CFAP276: variants seen among roughly 807,000 people sequenced by gnomAD.
CFAP276 encodes cilia and flagella associated protein 276.
the CFAP276 span, among the ~76,000 whole-genome samples, chr1:109,113,411 AGAGAAAGAGAGAG>A: frequency 9.1e-6 from 1 of 110,384 alleles, no homozygotes; most frequent in Non-Finnish European, 1.8e-5. Flanking sequence ...AGAGAGAGAG[AGAGAAAGAGAGAG>A]AGAGAGAGAG....
the CFAP276 span, among the ~76,000 whole-genome samples, chr1:109,111,608 C>T: frequency 1.2e-4 from 18 of 152,172 alleles, no homozygotes; most frequent in Admixed American, 9.8e-4. Flanking sequence ...TTCCATTGCA[C>T]GCCTACACTC....
chr1:109,112,730 G>C, the CFAP276 span: 4 of 1,543,890 alleles, frequency 2.6e-6, no homozygotes, highest in Non-Finnish European at 3.5e-6. Context: ...CTCAGCCGCA[G>C]CACAGCCTCA....
the CFAP276 span, among the ~76,000 whole-genome samples, chr1:109,110,966 C>T: frequency 6.6e-6 from 1 of 152,200 alleles, no homozygotes; most frequent in Non-Finnish European, 1.5e-5. Flanking sequence ...TCTCCAAGTC[C>T]TGTCAGTCCT....
chr1:109,109,329 T>C, the CFAP276 span, among the ~76,000 whole-genome samples: 6 of 151,318 alleles, frequency 4.0e-5, no homozygotes, highest in African/African-American at 1.5e-4. Flanking sequence ...GCGCCTGTAA[T>C]CTCAGCTACT....
the CFAP276 span, chr1:109,112,855 G>C: frequency 9.4e-7 from 1 of 1,068,888 alleles, no homozygotes; most frequent in Non-Finnish European, 1.3e-6. Flanking sequence ...CCTGGCGGCT[G>C]ACCACGGGAG....
the CFAP276 span, chr1:109,106,920 T>G: frequency 9.5e-7 from 1 of 1,051,156 alleles, no homozygotes; most frequent in Non-Finnish European, 1.4e-6. Flanking sequence ...GAGTACCTAG[T>G]GATTATCATT....
the CFAP276 span, among the ~76,000 whole-genome samples, chr1:109,110,778 C>T: frequency 6.6e-6 from 1 of 152,214 alleles, no homozygotes; most frequent in Non-Finnish European, 1.5e-5. Flanking sequence ...TATTGACCTT[C>T]ACTTAAATAT....
At chr1:109,110,387 C>T in the CFAP276 span, among the ~76,000 whole-genome samples, 1 of 152,320 alleles carries the variant, frequency 6.6e-6, no homozygotes, top group South Asian at 2.1e-4. Flanking sequence ...CCTAAAACTG[C>T]TCTTGCTAGT....
chr1:109,109,115 A>G, the CFAP276 span, among the ~76,000 whole-genome samples: 2 of 152,120 alleles, frequency 1.3e-5, no homozygotes, highest in Non-Finnish European at 2.9e-5. Flanking sequence ...TGAATCCACT[A>G]TATCATTTGA....
chr1:109,106,698 T>A, the CFAP276 span: 1 of 1,601,356 alleles, frequency 6.2e-7, no homozygotes, highest in Non-Finnish European at 8.5e-7. Context: ...GAGAGTGAAA[T>A]CAATCAGAGA....
the CFAP276 span, among the ~76,000 whole-genome samples, chr1:109,110,419 G>C: frequency 6.6e-6 from 1 of 152,164 alleles, no homozygotes; most frequent in Admixed American, 6.5e-5. Context: ...TCTGTGGCCA[G>C]GTCAGGTGGA....
At chr1:109,106,895 A>C in the CFAP276 span, 1 of 937,678 alleles carries the variant, frequency 1.1e-6, no homozygotes, top group Non-Finnish European at 1.6e-6. Flanking sequence ...AAAATACAGA[A>C]ATTTGTATAC....
At chr1:109,113,406 G>A in the CFAP276 span, among the ~76,000 whole-genome samples, 1 of 124,682 alleles carries the variant, frequency 8.0e-6, no homozygotes, top group East Asian at 2.2e-4. Flanking sequence ...GAGAGAGAGA[G>A]AGAGAGAGAA....
chr1:109,107,193 C>T, the CFAP276 span: 13 of 1,165,530 alleles, frequency 1.1e-5, no homozygotes, highest in African/African-American at 2.0e-4. Context: ...TTCTATTGTG[C>T]TCTACTCTTC....
chr1:109,113,613 T>C, the CFAP276 span: 1 of 1,613,482 alleles, frequency 6.2e-7, no homozygotes, highest in Non-Finnish European at 8.5e-7. Flanking sequence ...GGAGTGGCCT[T>C]CGTAGGAGGG....
the CFAP276 span, among the ~76,000 whole-genome samples, chr1:109,107,295 A>C: frequency 6.6e-6 from 1 of 152,226 alleles, no homozygotes; most frequent in South Asian, 2.1e-4. Context: ...GTTGATATGG[A>C]ATTATCTTTG....
chr1:109,113,423 AGAGAGAGAGAGAGAGAGAGAGAG>A, the CFAP276 span, among the ~76,000 whole-genome samples: 5 of 62,688 alleles, frequency 8.0e-5, no homozygotes, highest in Non-Finnish European at 1.5e-4. Flanking sequence ...AGAAAGAGAG[AGAGAGAGAGAGAGAGAGAGAGAG>A]AGAGAGAGAG....
the CFAP276 span, among the ~76,000 whole-genome samples, chr1:109,111,547 C>CA: frequency 3.9e-5 from 6 of 152,024 alleles, no homozygotes; most frequent in Admixed American, 1.3e-4. Context: ...ATGGTGTACA[C>CA]AGCACACCCA....
the CFAP276 span, among the ~76,000 whole-genome samples, chr1:109,109,724 A>T: frequency 5.4e-4 from 82 of 151,668 alleles, no homozygotes; most frequent in East Asian, 0.015. Context: ...TTTATTAGAG[A>T]TGGGGCTTCA....
Sources: allele counts gnomAD v4.1 joint callset (sites outside exome capture counted in the v4.1 genomes callset), GRCh38; gene constraint gnomAD v4.1.1; transcripts MANE v1.5; gene names NCBI Gene and HGNC (gene_info 2026-07-23, HGNC 2026-07-21).